INSC: variants seen among roughly 807,000 people sequenced by gnomAD.
The protein encoded by INSC is protein inscuteable homolog.
In INSC, 67 loss-of-function variants were observed where a neutral mutation model predicts 58.6. The observed-to-expected ratio is 1.14, with a 90% CI of 0.94 to 1.40. INSC has a LOEUF of 1.40. Ranked by LOEUF, INSC falls within the 40% of genes most tolerant of loss-of-function variation. The pLI, the probability that INSC is intolerant of heterozygous loss-of-function variation, is 0.00. For synonymous variants in INSC, 262 were observed against 276.1 expected, an observed-to-expected ratio of 0.95 and a Z score of 0.51; for missense variants, 714 against 692.0, an observed-to-expected ratio of 1.03 and a Z score of -0.36.
At chr11:15,178,110 G>A (rs1369299374) in intron 4 of INSC, among the ~76,000 whole-genome samples, 2 of 152,182 alleles carry the variant, frequency 1.3e-5, no homozygotes, top group African/African-American at 4.8e-5. Flanking sequence ...TCCTGTTGAT[G>A]TGGACTGGTA....
intron 1 of INSC, among the ~76,000 whole-genome samples, chr11:15,135,532 G>T (rs1848224146): frequency 6.6e-6 from 1 of 152,182 alleles, no homozygotes; most frequent in Non-Finnish European, 1.5e-5. Context: ...TCTGTCTTTT[G>T]TCCCTTTCTG....
chr11:15,202,319 C>CT (rs1281826777), intron 7 of INSC, among the ~76,000 whole-genome samples: 1 of 152,142 alleles, frequency 6.6e-6, no homozygotes, highest in Non-Finnish European at 1.5e-5. Context: ...AAGTGATTAA[C>CT]TCAGGGTCAT....
At chr11:15,113,132 T>C (rs542689815), upstream of INSC, among the ~76,000 whole-genome samples, 102 of 129,878 alleles carry the variant, frequency 7.9e-4, no homozygotes, top group African/African-American at 2.7e-3. Flanking sequence ...TTTCTTTCTT[T>C]CTTTCTTTCT....
chr11:15,230,140 A>G lies in INSC; in HGVS notation c.1170+4312A>G, dbSNP rs543578540. On this transcript the variant is annotated intron_variant, in intron 9 of 12. Coordinates refer to ENST00000379556, the MANE Select transcript of INSC (RefSeq NM_001042536.3). ...GGGAAATGGAGGTTACAGTGAGCCA[A>G]GATGGCACCACTGTACTCCAGCCTG... is the stretch of plus-strand genomic sequence containing the variant. Among the ~76,000 whole-genome samples, 10 of 143,248 alleles carry G rather than the reference A, an allele frequency of 7.0e-5. No homozygotes were observed. The South Asian group carries it at 2.0e-3, about 28-fold the overall frequency. The allele number at this position is 143,248 out of a possible 152,430, so 94.0% of individuals were successfully genotyped here.
chr11:15,239,194 C>A lies in INSC; in HGVS notation c.1393+120C>A, dbSNP rs572703125. On this transcript the variant is annotated intron_variant, in intron 11 of 12. Transcript: ENST00000379556. Reference sequence around the variant, plus strand: ...AAGAGCTGGCTGGCATAAGCCCTGTCTCTGGGGGCTCAGGGGTGGAGGCTC... The same window carrying A: ...AAGAGCTGGCTGGCATAAGCCCTGTATCTGGGGGCTCAGGGGTGGAGGCTC... 137 of 1,232,430 alleles carry A rather than the reference C, an allele frequency of 1.1e-4. 1 individual carries two copies. In the African/African-American group the frequency reaches 1.9e-3, roughly 17 times the overall value. 76.3% of individuals were successfully genotyped at this position (1,232,430 alleles called of 1,614,324 possible). A position where few individuals can be genotyped will look rare whatever the true frequency, so the allele number is the denominator to read the frequency against.
chr11:15,176,092 C>G lies in INSC; in HGVS notation c.402+6C>G. 6.6e-7 allele frequency: 1 copy of G among 1,505,650 alleles called. No individual in the cohort carries two copies. Among genetic ancestry groups the G allele is most frequent in the Non-Finnish European group, 9.0e-7 (1 of 1,115,236 alleles). The allele number at this position is 1,505,650 out of a possible 1,614,324, so 93.3% of individuals were successfully genotyped here. The stretch of plus-strand genomic sequence containing the variant: ...CCTTGAAGGAAATGGGCGAGGTCAG[C>G]TGCCCTGGGATAGGAGTGGGCGGGA... On this transcript the variant is annotated splice_donor_region_variant and intron_variant, in intron 3 of 12. Coordinates refer to ENST00000379556, the MANE Select transcript of INSC (RefSeq NM_001042536.3).
intron 1 of INSC, among the ~76,000 whole-genome samples, chr11:15,130,285 T>C (rs184258001): frequency 1.3e-5 from 2 of 152,354 alleles, no homozygotes; most frequent in East Asian, 3.9e-4. Flanking sequence ...TCTAGTTTGC[T>C]AAAATATTTT....
chr11:15,127,024 A>G (rs764820345), intron 1 of INSC, among the ~76,000 whole-genome samples: 1 of 152,190 alleles, frequency 6.6e-6, no homozygotes, highest in Non-Finnish European at 1.5e-5. Flanking sequence ...GGCTGTTGCC[A>G]TGAGGGGGCC....
intron 6 of INSC, among the ~76,000 whole-genome samples, chr11:15,199,179 C>T (rs182268418): frequency 6.6e-6 from 1 of 152,244 alleles, no homozygotes. Flanking sequence ...TGACGTCTGG[C>T]CTATAATAAA....
At chr11:15,164,696 TTTC>T (rs1849135262) in intron 2 of INSC, among the ~76,000 whole-genome samples, 2 of 152,224 alleles carry the variant, frequency 1.3e-5, no homozygotes, top group South Asian at 4.1e-4. Context: ...TTATTGCTTC[TTTC>T]TTCTTCGTCT....
At chr11:15,211,659 T>C (rs1185105172) in intron 7 of INSC, among the ~76,000 whole-genome samples, 3 of 152,192 alleles carry the variant, frequency 2.0e-5, no homozygotes, top group African/African-American at 7.2e-5. Context: ...AGCTTTATTG[T>C]TTTGCCTTTA....
intron 1 of INSC, among the ~76,000 whole-genome samples, chr11:15,136,111 G>A (rs1211869778): frequency 6.6e-6 from 1 of 152,112 alleles, no homozygotes; most frequent in Non-Finnish European, 1.5e-5. Context: ...CTGCAATAAA[G>A]CCAATATTAC....
At chr11:15,161,565 GA>G (rs1303754190) in intron 2 of INSC, among the ~76,000 whole-genome samples, 2 of 152,112 alleles carry the variant, frequency 1.3e-5, no homozygotes, top group African/African-American at 2.4e-5. Flanking sequence ...CACTGAAGGA[GA>G]AAAAAACCTT....
chr11:15,239,026 C>G lies in INSC; in HGVS notation c.1345C>G (p.Arg449Gly), dbSNP rs566217542. ...GCAGAAAGCTGCAGTGACCCTGGCTCGTCTCAGCCGAGACCCAGATGTGGC... is the reference window on the plus strand; with the variant it reads ...GCAGAAAGCTGCAGTGACCCTGGCTGGTCTCAGCCGAGACCCAGATGTGGC... ...VQQKAAVTLA[R>G]LSRDPDVARE... Residue 449 changes from arginine to glycine, a missense_variant, in exon 11 of 13, where the codon CGT becomes GGT. Physicochemically the swap from Arg to Gly is moderately radical, Grantham distance 125. Coordinates refer to ENST00000379556, the MANE Select transcript of INSC (RefSeq NM_001042536.3). 2 of 1,614,116 alleles carry G rather than the reference C, an allele frequency of 1.2e-6. No homozygotes were observed. Among genetic ancestry groups the G allele is most frequent in the South Asian group, 1.1e-5 (1 of 91,080 alleles).
At chr11:15,186,361 A>T (rs956809319) in intron 5 of INSC, among the ~76,000 whole-genome samples, 1 of 151,734 alleles carries the variant, frequency 6.6e-6, no homozygotes, top group Non-Finnish European at 1.5e-5. Flanking sequence ...TCTTCTTCTC[A>T]TGTGGGTCTC....
At chr11:15,113,450 C>T (rs1273702944), upstream of INSC, among the ~76,000 whole-genome samples, 1 of 152,174 alleles carries the variant, frequency 6.6e-6, no homozygotes, top group Non-Finnish European at 1.5e-5. Context: ...TGAGCCACCA[C>T]TCCCGGCTGA....
chr11:15,234,448 T>C (rs1852044042), intron 9 of INSC, among the ~76,000 whole-genome samples: 1 of 152,254 alleles, frequency 6.6e-6, no homozygotes, highest in African/African-American at 2.4e-5. Context: ...AATTAAAATG[T>C]AGATAATACT....
At chr11:15,254,485 T>C in the INSC span, among the ~76,000 whole-genome samples, 6 of 152,188 alleles carry the variant, frequency 3.9e-5, no homozygotes, top group Non-Finnish European at 8.8e-5. Context: ...TGTAGACTGT[T>C]GTGGACTTGA....
intron 9 of INSC, among the ~76,000 whole-genome samples, chr11:15,227,053 T>A (rs1393284928): frequency 6.6e-6 from 1 of 152,250 alleles, no homozygotes; most frequent in Non-Finnish European, 1.5e-5. Flanking sequence ...CTAATAATAC[T>A]GTGACACTGG....
Sources: allele counts gnomAD v4.1 joint callset (sites outside exome capture counted in the v4.1 genomes callset), GRCh38; gene constraint gnomAD v4.1.1; transcripts MANE v1.5; gene names NCBI Gene and HGNC (gene_info 2026-07-23, HGNC 2026-07-21).